ASIC2: variants seen among roughly 807,000 people sequenced by gnomAD.
ASIC2 encodes acid-sensing ion channel 2.
A neutral mutation model predicts 57.3 loss-of-function variants in ASIC2; 25 were observed. The observed-to-expected ratio is 0.44, with a 90% confidence interval of 0.32 to 0.61. The LOEUF is 0.61. Ranked by LOEUF, ASIC2 falls within the 20% of genes least tolerant of loss-of-function variation. The probability of loss-of-function intolerance (pLI) is 0.06; values close to 1 mark genes in which losing one functional copy is unlikely to be tolerated. For missense variants in ASIC2, 641 were observed against 738.1 expected, an observed-to-expected ratio of 0.87 and a Z score of 1.52; for synonymous variants, 319 against 307.5, an observed-to-expected ratio of 1.04 and a Z score of -0.39.
intron 1 of ASIC2, among the ~76,000 whole-genome samples, chr17:33,977,670 C>T (rs1905443954): frequency 6.6e-6 from 1 of 152,180 alleles, no homozygotes; most frequent in African/African-American, 2.4e-5. Context: ...CAATCCCCTA[C>T]ATCCTATACC....
At chr17:33,116,841 A>G (rs1471071955) in intron 1 of ASIC2, among the ~76,000 whole-genome samples, 2 of 151,824 alleles carry the variant, frequency 1.3e-5, no homozygotes, top group Admixed American at 1.3e-4. Context: ...TGGCACAGTC[A>G]TAGTTTTATA....
chr17:33,880,532 A>G (rs904948529), intron 1 of ASIC2, among the ~76,000 whole-genome samples: 6 of 152,206 alleles, frequency 3.9e-5, no homozygotes, highest in African/African-American at 1.4e-4. Flanking sequence ...TCCTCAACAC[A>G]TACACCCTCC....
intron 1 of ASIC2, among the ~76,000 whole-genome samples, chr17:34,099,070 C>G (rs556158173): frequency 5.1e-4 from 72 of 142,024 alleles, no homozygotes; most frequent in Non-Finnish European, 9.3e-4. Flanking sequence ...GGGCGATGCT[C>G]TAGAAAGAGC....
chr17:34,154,698 G>A (rs776324296), intron 1 of ASIC2, among the ~76,000 whole-genome samples: 3 of 152,192 alleles, frequency 2.0e-5, no homozygotes, highest in Admixed American at 6.5e-5. Context: ...ATTAGGCAGA[G>A]GACCCTAGAC....
chr17:33,405,041 G>A (rs1441378832), intron 1 of ASIC2, among the ~76,000 whole-genome samples: 2 of 151,750 alleles, frequency 1.3e-5, no homozygotes, highest in East Asian at 3.9e-4. Flanking sequence ...GGACACTCTG[G>A]GCTAATGTTA....
At chr17:33,141,998 T>C (rs1017686959) in intron 1 of ASIC2, among the ~76,000 whole-genome samples, 2 of 152,356 alleles carry the variant, frequency 1.3e-5, no homozygotes, top group East Asian at 1.9e-4. Flanking sequence ...TTGCAGACCC[T>C]ATTGGCATAT....
At chr17:33,230,179 T>C (rs1908034184) in intron 1 of ASIC2, among the ~76,000 whole-genome samples, 1 of 152,220 alleles carries the variant, frequency 6.6e-6, no homozygotes, top group Non-Finnish European at 1.5e-5. Flanking sequence ...CTCTGCCTAA[T>C]AAATGGTCAG....
intron 1 of ASIC2, chr17:34,003,558 GTCATCATCATGA>G (rs1225947031): frequency 2.0e-5 from 3 of 152,046 alleles, no homozygotes; most frequent in Non-Finnish European, 4.4e-5. Context: ...CATTATCATT[GTCATCATCATGA>G]TCATCATCAT....
At chr17:33,574,049 C>T (rs7222972) in intron 1 of ASIC2, among the ~76,000 whole-genome samples, 4,484 of 152,268 alleles carry the variant, frequency 0.029, 213 homozygotes, top group African/African-American at 0.099. Context: ...ACCAGAGTGC[C>T]GCTCACTTCT....
At chr17:33,192,983 C>T (rs1264017939) in intron 1 of ASIC2, among the ~76,000 whole-genome samples, 1 of 152,140 alleles carries the variant, frequency 6.6e-6, no homozygotes, top group East Asian at 1.9e-4. Flanking sequence ...AAGGATTGCT[C>T]ACCACCTGTG....
intron 1 of ASIC2, among the ~76,000 whole-genome samples, chr17:33,370,839 C>T (rs1909030289): frequency 6.6e-6 from 1 of 152,224 alleles, no homozygotes; most frequent in African/African-American, 2.4e-5. Context: ...GGTCCCGATC[C>T]AGACCCCAAG....
At chr17:33,059,807 C>A (rs1030879922) in intron 3 of ASIC2, among the ~76,000 whole-genome samples, 6 of 152,212 alleles carry the variant, frequency 3.9e-5, no homozygotes, top group African/African-American at 1.4e-4. Flanking sequence ...TTCTCCACAT[C>A]CTCTCCAGCA....
intron 1 of ASIC2, among the ~76,000 whole-genome samples, chr17:34,086,502 A>C (rs1402272753): frequency 6.6e-6 from 1 of 151,798 alleles, no homozygotes; most frequent in Non-Finnish European, 1.5e-5. Flanking sequence ...GTGCTGAAAA[A>C]AATGTATATT....
At chr17:33,546,769 C>T (rs556364262) in intron 1 of ASIC2, among the ~76,000 whole-genome samples, 13 of 152,284 alleles carry the variant, frequency 8.5e-5, no homozygotes, top group African/African-American at 1.7e-4. Flanking sequence ...AAACATTTCT[C>T]TCTCCTCTTA....
At chr17:33,389,461 T>C (rs1293831309) in intron 1 of ASIC2, among the ~76,000 whole-genome samples, 3 of 152,186 alleles carry the variant, frequency 2.0e-5, no homozygotes, top group Non-Finnish European at 4.4e-5. Flanking sequence ...CCCAATTCTG[T>C]TAGTGGATTC....
At chr17:33,187,814 C>T (rs901725412) in intron 1 of ASIC2, among the ~76,000 whole-genome samples, 5 of 150,840 alleles carry the variant, frequency 3.3e-5, no homozygotes, top group Non-Finnish European at 5.9e-5. Flanking sequence ...CAGGACAAGG[C>T]CCCCAAACAT....
intron 1 of ASIC2, chr17:33,816,675 GTAGTCCTTGTCCCC>G (rs1196254803): frequency 6.6e-6 from 1 of 152,140 alleles, no homozygotes; most frequent in Non-Finnish European, 1.5e-5. Flanking sequence ...GTAAGGGAGG[GTAGTCCTTGTCCCC>G]TACTCACCAG....
intron 1 of ASIC2, among the ~76,000 whole-genome samples, chr17:33,408,067 C>A (rs1342718507): frequency 6.6e-6 from 1 of 152,068 alleles, no homozygotes; most frequent in Admixed American, 6.6e-5. Flanking sequence ...CCACATGTAC[C>A]CGACAGCCTT....
chr17:33,642,671 A>G lies in ASIC2; in HGVS notation c.555+513307T>C, dbSNP rs567758657. ...AAGACCCTTTGCTGTCCTTTCAGTT[A>G]TCTTTTGAATAGAGGCTCTGAGCCT... On this transcript the variant is annotated intron_variant, in intron 1 of 9. Transcript: ENST00000359872. 2.0e-5 allele frequency among the ~76,000 whole-genome samples: 3 copies of G among 152,276 alleles called. No homozygotes were observed. In the East Asian group the frequency reaches 5.8e-4, roughly 29 times the overall value.
Sources: gnomAD v4.1 joint callset for allele counts (sites outside exome capture counted in the v4.1 genomes callset) on GRCh38, gnomAD v4.1.1 for gene constraint, MANE v1.5 for transcripts, NCBI Gene and HGNC (gene_info 2026-07-23, HGNC 2026-07-21) for gene names.